The following ANKRD45 variants were observed in gnomAD, a reference collection of about 807,000 sequenced individuals.
ANKRD45 encodes ankyrin repeat domain 45.
In ANKRD45, 21 loss-of-function variants were observed where a neutral mutation model predicts 28.1. That is an observed-to-expected ratio of 0.75 (90% confidence interval 0.53 to 1.08). The LOEUF (loss-of-function observed/expected upper bound fraction) is 1.08. Ranked by LOEUF, ANKRD45 falls within the 50% of genes least tolerant of loss-of-function variation. The pLI, the probability that ANKRD45 is intolerant of heterozygous loss-of-function variation, is 0.00. For synonymous variants in ANKRD45, 86 were observed against 103.9 expected (o/e 0.83, Z 1.05); for missense variants, 261 against 308.7 (o/e 0.85, Z 1.16).
chr1:173,683,943 T>G, the ANKRD45 span, among the ~76,000 whole-genome samples: 2 of 152,196 alleles, frequency 1.3e-5, no homozygotes, highest in Admixed American at 6.5e-5. Flanking sequence ...CCCTGACACA[T>G]GTGGCCCTTC....
chr1:173,689,336 G>T, the ANKRD45 span, among the ~76,000 whole-genome samples: 1 of 152,148 alleles, frequency 6.6e-6, no homozygotes, highest in African/African-American at 2.4e-5. Flanking sequence ...ACCCTTTATA[G>T]TTTCTGGCTC....
intron 2 of ANKRD45, among the ~76,000 whole-genome samples, chr1:173,652,720 T>A (rs2102373024): frequency 6.6e-6 from 1 of 152,360 alleles, no homozygotes; most frequent in Non-Finnish European, 1.5e-5. Context: ...TCAATCCATC[T>A]GCTCCTAGAC....
the ANKRD45 span, among the ~76,000 whole-genome samples, chr1:173,685,695 G>A: frequency 6.6e-6 from 1 of 151,996 alleles, no homozygotes; most frequent in African/African-American, 2.4e-5. Context: ...ATTGTGAGAG[G>A]TTTTGGAAGA....
the ANKRD45 span, among the ~76,000 whole-genome samples, chr1:173,712,364 T>C: frequency 2.0e-5 from 3 of 152,224 alleles, no homozygotes; most frequent in Non-Finnish European, 4.4e-5. Context: ...AAGTTATTGC[T>C]CTACTTCATA....
At chr1:173,702,797 C>A in the ANKRD45 span, among the ~76,000 whole-genome samples, 1 of 149,082 alleles carries the variant, frequency 6.7e-6, no homozygotes, top group Non-Finnish European at 1.5e-5. Flanking sequence ...TCACAGCTCA[C>A]TATAACCTTG....
At chr1:173,661,874 C>A (rs1669790812) in intron 1 of ANKRD45, among the ~76,000 whole-genome samples, 1 of 151,466 alleles carries the variant, frequency 6.6e-6, no homozygotes, top group African/African-American at 2.4e-5. Flanking sequence ...TAAGTGTTTC[C>A]AAGGAAATAA....
intron 3 of ANKRD45, among the ~76,000 whole-genome samples, chr1:173,639,653 A>T (rs1668617716): frequency 6.6e-6 from 1 of 152,214 alleles, no homozygotes. Flanking sequence ...AACAAGTCAT[A>T]AAGAAATCAC....
chr1:173,625,059 A>AG, intron 4 of ANKRD45, 134 bp from the exon 5 acceptor site: 1 of 825,660 alleles, frequency 1.2e-6, no homozygotes, highest in Non-Finnish European at 1.8e-6. Context: ...TGTCCAATAC[A>AG]GTAGCCATTA....
At chr1:173,612,723 T>C (rs1056148114) in intron 5 of ANKRD45, 14 of 158,322 alleles carry the variant, frequency 8.8e-5, no homozygotes, top group Non-Finnish European at 1.6e-4. Flanking sequence ...GCCGAGTGCC[T>C]GCAATTGCAG....
intron 2 of ANKRD45, chr1:173,657,316 A>G: frequency 3.1e-6 from 1 of 325,190 alleles, no homozygotes; most frequent in South Asian, 2.3e-5. Context: ...AAAAATACGA[A>G]AATTAGCCAG....
chr1:173,684,342 CT>C, the ANKRD45 span, among the ~76,000 whole-genome samples: 10 of 151,986 alleles, frequency 6.6e-5, no homozygotes, highest in Admixed American at 2.6e-4. Flanking sequence ...TCTTTTCAAA[CT>C]TTTTTTTAAC....
chr1:173,637,706 T>C (rs1159017524), intron 3 of ANKRD45, among the ~76,000 whole-genome samples: 2 of 152,206 alleles, frequency 1.3e-5, no homozygotes. Flanking sequence ...GTCTCTTTTG[T>C]TGGTGTGTGG....
upstream of ANKRD45, among the ~76,000 whole-genome samples, chr1:173,672,765 G>A (rs1228749044): frequency 2.0e-5 from 3 of 152,138 alleles, no homozygotes; most frequent in Admixed American, 1.3e-4. Flanking sequence ...GCAGCAGAAA[G>A]ACTCCCATGA....
At chr1:173,681,878 C>T in the ANKRD45 span, among the ~76,000 whole-genome samples, 6 of 151,692 alleles carry the variant, frequency 4.0e-5, no homozygotes, top group South Asian at 2.1e-4. Flanking sequence ...GGTGAAACCC[C>T]GTCTCTACTA....
At chr1:173,627,637 G>A (rs534737888) in intron 3 of ANKRD45, among the ~76,000 whole-genome samples, 1 of 152,088 alleles carries the variant, frequency 6.6e-6, no homozygotes, top group Non-Finnish European at 1.5e-5. Context: ...GTTCCAGCAG[G>A]CCCCACCACT....
chr1:173,658,277 TC>T, intron 2 of ANKRD45: 1 of 174,624 alleles, frequency 5.7e-6, no homozygotes, highest in East Asian at 1.9e-4. Flanking sequence ...TGAGCTGAGA[TC>T]ATGCCATTAC....
the ANKRD45 span, among the ~76,000 whole-genome samples, chr1:173,707,762 G>A: frequency 2.6e-5 from 4 of 152,146 alleles, no homozygotes; most frequent in Admixed American, 6.5e-5. Flanking sequence ...ACTCCAACTC[G>A]TGACAAATAT....
At chr1:173,705,048 G>A in the ANKRD45 span, among the ~76,000 whole-genome samples, 2 of 152,156 alleles carry the variant, frequency 1.3e-5, no homozygotes, top group African/African-American at 4.8e-5. Context: ...GTCCCAGAGA[G>A]GGAGTGAGAC....
chr1:173,672,849 C>T (rs752874057), upstream of ANKRD45, among the ~76,000 whole-genome samples: 3 of 152,050 alleles, frequency 2.0e-5, no homozygotes, highest in Non-Finnish European at 2.9e-5. Flanking sequence ...TTGAAGGGGC[C>T]GAGTGCCCAT....
Sources: allele counts gnomAD v4.1 joint callset (sites outside exome capture counted in the v4.1 genomes callset), GRCh38; gene constraint gnomAD v4.1.1; transcripts MANE v1.5; gene names NCBI Gene and HGNC (gene_info 2026-07-23, HGNC 2026-07-21).